CWC27: variants seen among roughly 807,000 people sequenced by gnomAD.
CWC27 encodes the protein spliceosome-associated protein CWC27 homolog.
Under a neutral mutation model 63.6 loss-of-function variants are expected in CWC27, and 47 were observed. The observed-to-expected ratio is 0.74, with a 90% CI of 0.58 to 0.94. CWC27 has a LOEUF of 0.94. Ranked by LOEUF, CWC27 falls within the 40% of genes least tolerant of loss-of-function variation. The probability of loss-of-function intolerance (pLI) is 0.00; values close to 1 mark genes in which losing one functional copy is unlikely to be tolerated. For missense variants in CWC27, 495 were observed against 554.3 expected (o/e 0.89, Z 1.07); for synonymous variants, 175 against 179.8 (o/e 0.97, Z 0.22).
Position 64,897,515 on chromosome 5 carries a change from C to T in CWC27, c.1042+11969C>T, listed in dbSNP as rs567940090. ...AAACCAAACACCGCATGTTCTCACT[C>T]ATAGGTGGGAGTTGGACAATGAGAA... On this transcript the variant is annotated intron_variant, in intron 11 of 13. Coordinates refer to ENST00000381070, the MANE Select transcript of CWC27 (RefSeq NM_005869.4). 1.4e-3 allele frequency among the ~76,000 whole-genome samples: 219 copies of T among 152,258 alleles called. 1 individual carries two copies. Among genetic ancestry groups the T allele is most frequent in the African/African-American group, 4.8e-3 (201 of 41,542 alleles).
intron 11 of CWC27, among the ~76,000 whole-genome samples, chr5:64,958,093 G>C (rs1012183877): frequency 6.7e-6 from 1 of 148,178 alleles, no homozygotes; most frequent in African/African-American, 2.5e-5. Flanking sequence ...TTTAAAACAG[G>C]TTTTTTTTTT....
intron 11 of CWC27, among the ~76,000 whole-genome samples, chr5:64,911,647 T>C (rs1580721917): frequency 1.3e-5 from 2 of 152,236 alleles, no homozygotes; most frequent in East Asian, 1.9e-4. Flanking sequence ...TACTGTGGTG[T>C]TTTTAACAGT....
At chr5:64,786,162 C>CA (rs1324117943) in intron 5 of CWC27, among the ~76,000 whole-genome samples, 15 of 108,438 alleles carry the variant, frequency 1.4e-4, no homozygotes, top group Non-Finnish European at 2.5e-4. Flanking sequence ...AAGACTCCAT[C>CA]TCAAAAAAAA....
At chr5:64,975,717 A>G (rs1176851996) in intron 12 of CWC27, among the ~76,000 whole-genome samples, 9 of 152,162 alleles carry the variant, frequency 5.9e-5, no homozygotes, top group Admixed American at 5.9e-4. Context: ...ATTTGTATTC[A>G]TCTTTCACTT....
At chr5:65,001,166 G>A (rs1218874697) in intron 13 of CWC27, among the ~76,000 whole-genome samples, 4 of 151,858 alleles carry the variant, frequency 2.6e-5, no homozygotes, top group Non-Finnish European at 4.4e-5. Context: ...TTTGTATGTT[G>A]GGCTTTTGTC....
intron 11 of CWC27, among the ~76,000 whole-genome samples, chr5:64,932,452 C>G (rs1580733738): frequency 6.6e-6 from 1 of 151,960 alleles, no homozygotes; most frequent in African/African-American, 2.4e-5. Context: ...ATCTAAAAGT[C>G]TGAAAACCAC....
intron 10 of CWC27, among the ~76,000 whole-genome samples, chr5:64,831,814 G>A (rs1253127409): frequency 6.6e-6 from 1 of 151,800 alleles, no homozygotes; most frequent in African/African-American, 2.4e-5. Context: ...AAAAAAAATT[G>A]AGTGGTTTTA....
chr5:64,805,418 A>T (rs1387365090), intron 10 of CWC27, among the ~76,000 whole-genome samples: 2 of 151,652 alleles, frequency 1.3e-5, no homozygotes, highest in Admixed American at 1.3e-4. Flanking sequence ...TTTAGTGATC[A>T]TATGCATGCT....
At chr5:64,938,905 G>C (rs1748416125) in intron 11 of CWC27, among the ~76,000 whole-genome samples, 1 of 152,082 alleles carries the variant, frequency 6.6e-6, no homozygotes, top group Non-Finnish European at 1.5e-5. Context: ...TTCTGCTATT[G>C]ATACTTGTGT....
intron 11 of CWC27, among the ~76,000 whole-genome samples, chr5:64,947,749 T>C (rs1748617662): frequency 3.3e-5 from 5 of 152,050 alleles, no homozygotes; most frequent in Admixed American, 3.3e-4. Flanking sequence ...CCTCCCCTCT[T>C]TGTAGAAAGA....
chr5:64,799,160 T>C (rs1022791351), intron 7 of CWC27, among the ~76,000 whole-genome samples: 1 of 152,260 alleles, frequency 6.6e-6, no homozygotes, highest in African/African-American at 2.4e-5. Context: ...TTGTGACCTT[T>C]AGTAAATTAC....
chr5:64,978,195 A>T (rs1260712751), intron 13 of CWC27, among the ~76,000 whole-genome samples: 1 of 152,238 alleles, frequency 6.6e-6, no homozygotes, highest in African/African-American at 2.4e-5. Flanking sequence ...TTAAAAAGAC[A>T]TAAAAACACT....
chr5:64,783,188 T>A (rs6875372), intron 3 of CWC27, among the ~76,000 whole-genome samples: 82,008 of 151,980 alleles, frequency 0.54, 22,669 homozygotes, highest in East Asian at 0.85. Context: ...AAATGAGTTC[T>A]GTATCAGGCT....
chr5:64,996,332 T>C (rs890976614), intron 13 of CWC27, among the ~76,000 whole-genome samples: 3 of 152,192 alleles, frequency 2.0e-5, no homozygotes, highest in African/African-American at 7.2e-5. Flanking sequence ...TTTATGAATA[T>C]CCCTTCTACT....
intron 10 of CWC27, among the ~76,000 whole-genome samples, chr5:64,830,001 A>G (rs1341380200): frequency 8.7e-6 from 1 of 114,310 alleles, no homozygotes; most frequent in Non-Finnish European, 1.8e-5. Flanking sequence ...TCGCTATGCC[A>G]TTTTTTTTTC....
In CWC27 at chr5:64,782,010, T is replaced by A. The variant is rs760895705; in HGVS notation, c.229T>A (p.Ser77Thr). The A allele has an allele frequency of 6.3e-7, 1 of 1,576,070 alleles. No individual in the cohort carries two copies. ...TACTGGCACAGGGAGTGGTGGAGAGTCTATCTATGGAGCGCCATTCAAAGT... is the reference window on the plus strand; with the variant it reads ...TACTGGCACAGGGAGTGGTGGAGAGACTATCTATGGAGCGCCATTCAAAGT... ...DPTGTGSGGE[S>T]IYGAPFKDEF... The change falls in exon 3 of 14, where the codon TCT becomes ACT. Residue 77 changes from serine (S) to threonine (T), a missense_variant. Physicochemically the swap from Ser to Thr is moderately conservative, Grantham distance 58. Coordinates refer to ENST00000381070, the MANE Select transcript of CWC27 (RefSeq NM_005869.4).
intron 7 of CWC27, among the ~76,000 whole-genome samples, chr5:64,797,494 G>T (rs1744316642): frequency 1.3e-5 from 2 of 152,172 alleles, no homozygotes; most frequent in South Asian, 2.1e-4. Flanking sequence ...TTAAAAGTTA[G>T]TTAAAATTTG....
At chr5:64,982,104 G>C (rs1305487117) in intron 13 of CWC27, among the ~76,000 whole-genome samples, 1 of 152,118 alleles carries the variant, frequency 6.6e-6, no homozygotes, top group East Asian at 1.9e-4. Context: ...ACTACCAGCT[G>C]TCTGTATCCA....
chr5:64,773,501 A>C (rs1743335671), intron 1 of CWC27, among the ~76,000 whole-genome samples: 1 of 150,960 alleles, frequency 6.6e-6, no homozygotes, highest in African/African-American at 2.4e-5. Context: ...GTTTCTTTTT[A>C]GGGTGGTGAA....
Sources: allele counts gnomAD v4.1 joint callset (sites outside exome capture counted in the v4.1 genomes callset), GRCh38; gene constraint gnomAD v4.1.1; transcripts MANE v1.5; gene names NCBI Gene and HGNC (gene_info 2026-07-23, HGNC 2026-07-21).